Variants in CDH12 observed in about 807,000 individuals in gnomAD.
CDH12 encodes cadherin 12.
CDH12 carries 41 observed loss-of-function variants against 74.1 expected under a neutral mutation model. The ratio of observed to expected loss-of-function variants is 0.55; its 90% CI spans 0.43 to 0.72. CDH12 has a LOEUF of 0.72. Among genes scored for constraint, CDH12 ranks in the 30% least tolerant of loss-of-function variants. The pLI is 0.00. For missense variants in CDH12, 945 were observed against 977.2 expected, an observed-to-expected ratio of 0.97 and a Z score of 0.44; for synonymous variants, 399 against 355.0, an observed-to-expected ratio of 1.12 and a Z score of -1.39.
chr5:21,765,099 C>T lies in CDH12; in HGVS notation c.1394G>A (p.Ser465Asn). The change falls in exon 12 of 15, where the codon AGT (serine) becomes AAT (asparagine). Residue 465 changes from serine to asparagine, a missense_variant and splice_region_variant. Ser to Asn is a conservative substitution (Grantham distance 46, BLOSUM62 1). Transcript: ENST00000382254. ...GACTTTGCTGGTCAATAAAGGGTTA[C>T]CTGTTAAAAACATATAAAGATAAAA... is the stretch of plus-strand genomic sequence containing the variant. ...YNFSIIASKV[S>N]NPLLTSKVNI... The T allele has an allele frequency of 6.4e-7, 1 of 1,565,318 alleles. No individual in the cohort carries two copies. The highest frequency in any genetic ancestry group is 8.6e-7 in the Non-Finnish European group (1 of 1,158,618).
chr5:22,161,534 CATAATA>C (rs748601549), intron 4 of CDH12, among the ~76,000 whole-genome samples: 7 of 151,118 alleles, frequency 4.6e-5, no homozygotes, highest in African/African-American at 1.7e-4. Context: ...CTGTCTGTAT[CATAATA>C]ATAATAATAA....
intron 5 of CDH12, among the ~76,000 whole-genome samples, chr5:21,981,526 A>G (rs2150127586): frequency 6.6e-6 from 1 of 152,116 alleles, no homozygotes; most frequent in East Asian, 1.9e-4. Context: ...TTTTTTTGAC[A>G]TTGGAATGTA....
rs1401206298 is a variant in CDH12 at position 22,422,066 on chromosome 5, T to C, written c.-427-16715A>G. ...TCTTTATTTCTCTTTGAATTCTCTTTCTTTCTTTCTCTTGCCTGATGGCCA... is the reference window on the plus strand; with the variant it reads ...TCTTTATTTCTCTTTGAATTCTCTTCCTTTCTTTCTCTTGCCTGATGGCCA... On this transcript the variant is annotated intron_variant, in intron 2 of 14. Coordinates refer to ENST00000382254, the MANE Select transcript of CDH12 (RefSeq NM_004061.5). Among the ~76,000 whole-genome samples the C allele has an allele frequency of 4.6e-5, 7 of 152,328 alleles. No individual in the cohort carries two copies. The East Asian group carries it at 1.4e-3, about 29-fold the overall frequency.
chr5:21,819,730 C>CA (rs1748260001), intron 8 of CDH12, among the ~76,000 whole-genome samples: 1 of 151,908 alleles, frequency 6.6e-6, no homozygotes, highest in Non-Finnish European at 1.5e-5. Context: ...TTCAGAGAGA[C>CA]AGAGAGCCGT....
chr5:22,362,238 A>G (rs1740837329), intron 3 of CDH12, among the ~76,000 whole-genome samples: 1 of 152,190 alleles, frequency 6.6e-6, no homozygotes, highest in South Asian at 2.1e-4. Context: ...TTACAAGAAA[A>G]AAACAAACAA....
At chr5:21,799,673 C>T (rs1054345735) in intron 10 of CDH12, among the ~76,000 whole-genome samples, 1 of 152,180 alleles carries the variant, frequency 6.6e-6, no homozygotes, top group Non-Finnish European at 1.5e-5. Context: ...AGCTCTTCAG[C>T]TATGAGCATT....
chr5:22,461,826 C>T (rs2260035), intron 2 of CDH12, among the ~76,000 whole-genome samples: 73,584 of 150,668 alleles, frequency 0.49, 18,345 homozygotes, highest in Admixed American at 0.65. Context: ...TATACTTCTC[C>T]ATTTCTATAG....
chr5:22,808,772 T>G (rs1459082370), intron 1 of CDH12, among the ~76,000 whole-genome samples: 1 of 143,372 alleles, frequency 7.0e-6, no homozygotes, highest in African/African-American at 2.6e-5. Context: ...GTTTTTTTTT[T>G]TTTTTTTTTT....
chr5:21,975,802 T>C (rs984932160), intron 5 of CDH12, among the ~76,000 whole-genome samples: 2 of 152,166 alleles, frequency 1.3e-5, no homozygotes, highest in African/African-American at 4.8e-5. Context: ...TGAAAATTTG[T>C]ATTTAGTTCT....
chr5:22,724,396 C>T (rs1744057302), intron 1 of CDH12, among the ~76,000 whole-genome samples: 1 of 151,656 alleles, frequency 6.6e-6, no homozygotes, highest in South Asian at 2.1e-4. Flanking sequence ...TCCAACCTTT[C>T]CCCCGAGTCT....
At chr5:22,164,276 A>C (rs1236388362) in intron 4 of CDH12, among the ~76,000 whole-genome samples, 1 of 152,202 alleles carries the variant, frequency 6.6e-6, no homozygotes, top group Non-Finnish European at 1.5e-5. Context: ...TTATAGCTCT[A>C]TTAGAAGTCG....
intron 1 of CDH12, among the ~76,000 whole-genome samples, chr5:22,574,458 A>G (rs1272021521): frequency 6.6e-6 from 1 of 152,052 alleles, no homozygotes. Flanking sequence ...TCTGTTTAGC[A>G]CCATGCTTAC....
intron 1 of CDH12, among the ~76,000 whole-genome samples, chr5:22,610,111 A>C (rs762156727): frequency 2.0e-5 from 3 of 152,236 alleles, no homozygotes; most frequent in Non-Finnish European, 4.4e-5. Flanking sequence ...TGGAGTTTCC[A>C]AACCTGTTTT....
chr5:22,600,584 T>G (rs1736809936), intron 1 of CDH12, among the ~76,000 whole-genome samples: 1 of 152,100 alleles, frequency 6.6e-6, no homozygotes, highest in African/African-American at 2.4e-5. Flanking sequence ...TTTATATCCC[T>G]ATGCTACCTT....
At chr5:22,293,651 C>T (rs1580491189) in intron 3 of CDH12, among the ~76,000 whole-genome samples, 1 of 152,122 alleles carries the variant, frequency 6.6e-6, no homozygotes, top group East Asian at 1.9e-4. Context: ...CAACAAAATA[C>T]TATTCAGCCA....
intron 6 of CDH12, among the ~76,000 whole-genome samples, chr5:21,947,217 A>G (rs1340025802): frequency 6.6e-6 from 1 of 152,130 alleles, no homozygotes; most frequent in Non-Finnish European, 1.5e-5. Flanking sequence ...ACAGACTAAT[A>G]GAGTAAATTG....
chr5:22,565,935 C>T (rs933307401), intron 1 of CDH12, among the ~76,000 whole-genome samples: 9 of 152,026 alleles, frequency 5.9e-5, no homozygotes, highest in Admixed American at 5.9e-4. Flanking sequence ...ACAAAATACA[C>T]CAAGAAAAGA....
chr5:22,106,099 A>C (rs1362964417), intron 4 of CDH12, among the ~76,000 whole-genome samples: 1 of 152,086 alleles, frequency 6.6e-6, no homozygotes, highest in Non-Finnish European at 1.5e-5. Context: ...TGTGTTAAAG[A>C]AGGAAACCAT....
At chr5:22,673,344 A>G (rs991850264) in intron 1 of CDH12, among the ~76,000 whole-genome samples, 4 of 152,182 alleles carry the variant, frequency 2.6e-5, no homozygotes, top group Admixed American at 2.6e-4. Context: ...TACTTAATGA[A>G]TATAAACTAT....
Sources: gnomAD v4.1 joint callset for allele counts (sites outside exome capture counted in the v4.1 genomes callset) on GRCh38, gnomAD v4.1.1 for gene constraint, MANE v1.5 for transcripts, NCBI Gene and HGNC (gene_info 2026-07-23, HGNC 2026-07-21) for gene names.